WWOX: variants seen among roughly 807,000 people sequenced by gnomAD.
WWOX encodes the protein WW domain-containing oxidoreductase.
WWOX carries 69 observed loss-of-function variants against 46.2 expected under a neutral mutation model. The observed-to-expected ratio is 1.49, with a 90% confidence interval of 1.23 to 1.82. The LOEUF (loss-of-function observed/expected upper bound fraction) is 1.82. Ranked by LOEUF, WWOX falls within the 40% of genes most tolerant of loss-of-function variation. WWOX has a pLI of 0.00. For missense variants in WWOX, 919 were observed against 542.6 expected (o/e 1.69, Z -6.89); for synonymous variants, 359 against 202.6 (o/e 1.77, Z -6.56).
chr16:78,336,623 G>A (rs1172907851), intron 5 of WWOX, among the ~76,000 whole-genome samples: 2 of 151,760 alleles, frequency 1.3e-5, no homozygotes, highest in South Asian at 2.1e-4. Context: ...GTCCCCATCT[G>A]TACTTTGGGA....
At chr16:78,545,322 G>T (rs923620393) in intron 8 of WWOX, among the ~76,000 whole-genome samples, 2 of 152,110 alleles carry the variant, frequency 1.3e-5, no homozygotes, top group Admixed American at 6.5e-5. Flanking sequence ...CCTGCAGGGC[G>T]ATTGTGGCCT....
intron 8 of WWOX, among the ~76,000 whole-genome samples, chr16:78,491,119 G>A (rs955637565): frequency 2.6e-5 from 4 of 152,096 alleles, no homozygotes; most frequent in Non-Finnish European, 5.9e-5. Flanking sequence ...TGCCATGCTC[G>A]TGCTTTCTTG....
intron 8 of WWOX, among the ~76,000 whole-genome samples, chr16:78,632,534 C>G (rs916181635): frequency 4.1e-5 from 6 of 145,078 alleles, no homozygotes; most frequent in African/African-American, 1.6e-4. Flanking sequence ...CACAGACACT[C>G]TCTTCCCCCA....
intron 8 of WWOX, among the ~76,000 whole-genome samples, chr16:78,711,029 G>A (rs1311917446): frequency 1.3e-5 from 2 of 152,178 alleles, no homozygotes; most frequent in African/African-American, 4.8e-5. Context: ...CCAGATTTCA[G>A]GACCTAACCA....
intron 8 of WWOX, among the ~76,000 whole-genome samples, chr16:78,687,695 C>T (rs2047894523): frequency 6.6e-6 from 1 of 152,182 alleles, no homozygotes; most frequent in African/African-American, 2.4e-5. Flanking sequence ...GTTCATAGCT[C>T]AATTAGATCT....
At chr16:78,442,905 G>A (rs1379652388) in intron 8 of WWOX, among the ~76,000 whole-genome samples, 2 of 151,988 alleles carry the variant, frequency 1.3e-5, no homozygotes, top group South Asian at 2.1e-4. Context: ...GGCGAATCAC[G>A]AGGTCAGGAG....
At chr16:78,345,629 G>C (rs2081082239) in intron 5 of WWOX, among the ~76,000 whole-genome samples, 1 of 61,058 alleles carries the variant, frequency 1.6e-5, no homozygotes, top group Non-Finnish European at 3.3e-5. Context: ...GGCAGAGCAA[G>C]ACCCTGTCTC....
intron 8 of WWOX, among the ~76,000 whole-genome samples, chr16:79,090,300 TGTG>T (rs1396672745): frequency 6.6e-6 from 1 of 151,308 alleles, no homozygotes; most frequent in African/African-American, 2.4e-5. Context: ...TGTGTGTGTG[TGTG>T]TGTGTGTGTG....
intron 8 of WWOX, among the ~76,000 whole-genome samples, chr16:78,478,643 T>G (rs9936255): frequency 0.53 from 81,243 of 151,872 alleles, 25,437 homozygotes; most frequent in African/African-American, 0.88. Flanking sequence ...GCCACAAGGG[T>G]GCCGTTGAGT....
intron 8 of WWOX, among the ~76,000 whole-genome samples, chr16:79,089,741 T>C (rs1476350449): frequency 1.3e-5 from 2 of 152,152 alleles, no homozygotes; most frequent in East Asian, 3.9e-4. Context: ...GATTACCATA[T>C]TAGTTGCCCA....
intron 8 of WWOX, among the ~76,000 whole-genome samples, chr16:78,870,265 A>T (rs1385992091): frequency 6.6e-6 from 1 of 152,102 alleles, no homozygotes; most frequent in East Asian, 1.9e-4. Context: ...GATGACAATG[A>T]CCCAGTTTCT....
chr16:78,910,216 C>T (rs576137673), intron 8 of WWOX, among the ~76,000 whole-genome samples: 1 of 152,130 alleles, frequency 6.6e-6, no homozygotes, highest in Non-Finnish European at 1.5e-5. Context: ...CATGAACTGT[C>T]ACTTCAAGGG....
At chr16:78,412,671 G>A (rs146313920) in intron 6 of WWOX, among the ~76,000 whole-genome samples, 6 of 152,280 alleles carry the variant, frequency 3.9e-5, no homozygotes, top group African/African-American at 1.4e-4. Flanking sequence ...CTCTGCAACA[G>A]GGCAGTCTAG....
chr16:79,054,915 T>G (rs2048234406), intron 8 of WWOX, among the ~76,000 whole-genome samples: 1 of 152,204 alleles, frequency 6.6e-6, no homozygotes, highest in African/African-American at 2.4e-5. Context: ...GTTCTAGAAT[T>G]AAAAGCAATT....
intron 6 of WWOX, among the ~76,000 whole-genome samples, chr16:78,395,704 G>A (rs952701958): frequency 2.6e-5 from 4 of 152,090 alleles, no homozygotes; most frequent in Non-Finnish European, 4.4e-5. Flanking sequence ...GTTCCACTGA[G>A]GATCATAAAG....
chr16:79,095,648 C>A (rs1174303095), intron 8 of WWOX, among the ~76,000 whole-genome samples: 3 of 152,102 alleles, frequency 2.0e-5, no homozygotes, highest in Non-Finnish European at 4.4e-5. Flanking sequence ...TAGGCTCTAA[C>A]CTGGCAGGTT....
chr16:78,911,589 G>A (rs1303901772), intron 8 of WWOX, among the ~76,000 whole-genome samples: 2 of 151,992 alleles, frequency 1.3e-5, no homozygotes, highest in Non-Finnish European at 2.9e-5. Flanking sequence ...CACCAGGCCG[G>A]GCACAGTGGC....
chr16:78,352,250 G>A (rs1387527733), intron 5 of WWOX, among the ~76,000 whole-genome samples: 1 of 152,198 alleles, frequency 6.6e-6, no homozygotes, highest in Non-Finnish European at 1.5e-5. Flanking sequence ...TTACATAACT[G>A]TATTTTGTTT....
At chr16:78,465,131 C>T (rs1315291792) in intron 8 of WWOX, among the ~76,000 whole-genome samples, 1 of 152,232 alleles carries the variant, frequency 6.6e-6, no homozygotes, top group East Asian at 1.9e-4. Flanking sequence ...TTACCTCCCA[C>T]TGGGTCCCTA....
Sources: allele counts gnomAD v4.1 joint callset (sites outside exome capture counted in the v4.1 genomes callset), GRCh38; gene constraint gnomAD v4.1.1; transcripts MANE v1.5; gene names NCBI Gene and HGNC (gene_info 2026-07-23, HGNC 2026-07-21).